The following TSC22D1 variants were observed in gnomAD, a reference collection of about 807,000 sequenced individuals.
The protein encoded by TSC22D1 is TSC22 domain family protein 1.
A neutral mutation model predicts 74.2 loss-of-function variants in TSC22D1; 9 were observed. The ratio of observed to expected loss-of-function variants is 0.12; its 90% CI spans 0.07 to 0.21. TSC22D1 has a LOEUF of 0.21. Ranked by LOEUF, TSC22D1 falls within the 10% of genes least tolerant of loss-of-function variation. The pLI, the probability that TSC22D1 is intolerant of heterozygous loss-of-function variation, is 1.00. For synonymous variants in TSC22D1, 586 were observed against 492.5 expected, an observed-to-expected ratio of 1.19 and a Z score of -2.51; for missense variants, 1,427 against 1,304.7, an observed-to-expected ratio of 1.09 and a Z score of -1.44.
chr13:44,436,551 C>T (rs1470485294), intron 1 of TSC22D1: 1 of 1,614,122 alleles, frequency 6.2e-7, no homozygotes, highest in South Asian at 1.1e-5. Context: ...GCAAGGATGA[C>T]AAGAAAGAAA....
Position 44,438,592 on chromosome 13 carries a change from G to A in TSC22D1, c.2913-2497C>T, listed in dbSNP as rs575501664. 2.6e-5 allele frequency among the ~76,000 whole-genome samples: 4 copies of A among 152,118 alleles called. No individual in the cohort carries two copies. The East Asian group carries it at 7.7e-4, about 29-fold the overall frequency. ...TGATGAGATTCCCTTTTTACTGAAA[G>A]GTTCATATTCTCCAAATTTTAAGGC... On this transcript the variant is annotated intron_variant, in intron 1 of 2. Transcript: ENST00000458659.
chr13:44,575,747 C>T lies in TSC22D1; in HGVS notation c.328G>A (p.Gly110Ser), dbSNP rs1441717372. The change falls in exon 1 of 3, where the codon GGC (glycine) becomes AGC (serine). Residue 110 changes from glycine (G) to serine (S), a missense_variant. Physicochemically the swap from Gly to Ser is moderately conservative, Grantham distance 56. Coordinates refer to ENST00000458659, the MANE Select transcript of TSC22D1 (RefSeq NM_183422.4). Reference protein sequence around the residue: ...PGGTQMKKKSGFQITSVTPAQ... With the variant: ...PGGTQMKKKSSFQITSVTPAQ... ...GGAGTAACGCTAGTTATCTGGAAGC[C>T]ACTTTTCTTTTTCATTTGAGTTCCG... 1.2e-6 allele frequency: 2 copies of T among 1,614,066 alleles called. No homozygotes were observed. The highest frequency in any genetic ancestry group is 1.7e-6 in the Non-Finnish European group (2 of 1,180,038).
intron 1 of TSC22D1, among the ~76,000 whole-genome samples, chr13:44,551,680 C>T (rs1882285808): frequency 6.6e-6 from 1 of 152,148 alleles, no homozygotes; most frequent in South Asian, 2.1e-4. Context: ...CTTGGCCTCC[C>T]AAAGTGGTGG....
At chr13:44,476,970 G>GT (rs1877946871) in intron 1 of TSC22D1, among the ~76,000 whole-genome samples, 1 of 151,502 alleles carries the variant, frequency 6.6e-6, no homozygotes, top group Non-Finnish European at 1.5e-5. Flanking sequence ...CACCTGGCCT[G>GT]TTTTTTGTTT....
chr13:44,496,356 G>T (rs1389459656), intron 1 of TSC22D1, among the ~76,000 whole-genome samples: 2 of 152,026 alleles, frequency 1.3e-5, no homozygotes, highest in African/African-American at 4.8e-5. Context: ...GACAACATAG[G>T]GAGACCCTGT....
intron 1 of TSC22D1, chr13:44,436,628 T>C (rs1595074779): frequency 1.9e-6 from 3 of 1,605,782 alleles, no homozygotes; most frequent in Middle Eastern, 1.7e-4. Flanking sequence ...TGGGATTTCA[T>C]GCAATTGCAG....
intron 1 of TSC22D1, among the ~76,000 whole-genome samples, chr13:44,467,457 AAAC>A (rs1320140790): frequency 6.6e-5 from 10 of 152,350 alleles, no homozygotes; most frequent in African/African-American, 2.2e-4. Context: ...GTAAACAGAC[AAAC>A]TACAGAATGG....
At chr13:44,503,124 T>C (rs1879289281) in intron 1 of TSC22D1, among the ~76,000 whole-genome samples, 1 of 152,164 alleles carries the variant, frequency 6.6e-6, no homozygotes. Flanking sequence ...TCATCAGTTG[T>C]TAGAGACATG....
At position 44,575,542 on chromosome 13, in the gene TSC22D1, T is replaced by C. The variant is rs1884160460; in HGVS notation, c.533A>G (p.Asn178Ser). ...PERSSSEETL[N>S]NFQEAETPGA... ...AGGTGTCTCGGCTTCCTGGAAGTTA[T>C]TTAGGGTCTCTTCTGAGGAGCTGCG... Residue 178 changes from asparagine to serine, a missense_variant, in exon 1 of 3, where the codon AAT becomes AGT. This residue lies in a region of TSC22D1 where 1,343 missense variants were observed against 1,191.5 expected (regional missense o/e 1.13). Coordinates refer to ENST00000458659, the MANE Select transcript of TSC22D1 (RefSeq NM_183422.4). 1 of 1,614,052 alleles carries C rather than the reference T, an allele frequency of 6.2e-7. No individual in the cohort carries two copies. The highest frequency in any genetic ancestry group is 8.5e-7 in the Non-Finnish European group (1 of 1,180,006).
At chr13:44,526,562 A>G (rs1880557681) in intron 1 of TSC22D1, among the ~76,000 whole-genome samples, 1 of 152,182 alleles carries the variant, frequency 6.6e-6, no homozygotes, top group African/African-American at 2.4e-5. Flanking sequence ...TCCAAGACAG[A>G]AAAGAAAGAG....
At chr13:44,439,951 T>C (rs1875052893) in intron 1 of TSC22D1, among the ~76,000 whole-genome samples, 1 of 152,182 alleles carries the variant, frequency 6.6e-6, no homozygotes, top group Non-Finnish European at 1.5e-5. Context: ...CCAAACTCCT[T>C]GCAAATCTAA....
At chr13:44,450,446 G>A (rs1317988932) in intron 1 of TSC22D1, among the ~76,000 whole-genome samples, 1 of 152,214 alleles carries the variant, frequency 6.6e-6, no homozygotes, top group Non-Finnish European at 1.5e-5. Flanking sequence ...TTTGTGTTTT[G>A]GCAAGGTCAC....
intron 1 of TSC22D1, among the ~76,000 whole-genome samples, chr13:44,517,811 A>ATGTGTG (rs1160142015): frequency 1.8e-5 from 1 of 55,126 alleles, no homozygotes; most frequent in Non-Finnish European, 3.3e-5. Flanking sequence ...ACACATATAT[A>ATGTGTG]TGTGTGTGTG....
Position 44,575,527 on chromosome 13 carries a change from G to A in TSC22D1, c.548C>T (p.Ala183Val), listed in dbSNP as rs779796549. 1.1e-5 allele frequency: 17 copies of A among 1,613,964 alleles called. No homozygotes were observed. In the South Asian group the frequency reaches 1.4e-4, roughly 14 times the overall value. Residue 183 changes from alanine (A) to valine (V), a missense_variant, in exon 1 of 3, where the codon GCC becomes GTC. This residue lies in a region of TSC22D1 where 1,343 missense variants were observed against 1,191.5 expected (regional missense o/e 1.13). Transcript: ENST00000458659. ...GGGAGAGACTGCCCCAGGTGTCTCGGCTTCCTGGAAGTTATTTAGGGTCTC... is the reference window on the plus strand; with the variant it reads ...GGGAGAGACTGCCCCAGGTGTCTCGACTTCCTGGAAGTTATTTAGGGTCTC... ...SEETLNNFQE[A>V]ETPGAVSPNQ...
intron 1 of TSC22D1, among the ~76,000 whole-genome samples, chr13:44,480,373 T>C (rs1190894609): frequency 2.0e-5 from 3 of 151,738 alleles, no homozygotes; most frequent in Non-Finnish European, 4.4e-5. Context: ...TTTTTACATA[T>C]AAAAGTATTA....
At chr13:44,438,401 T>TA (rs1874915041) in intron 1 of TSC22D1, among the ~76,000 whole-genome samples, 1 of 152,230 alleles carries the variant, frequency 6.6e-6, no homozygotes, top group African/African-American at 2.4e-5. Context: ...CAGATCCATT[T>TA]AGACAGTTTT....
At position 44,564,696 on chromosome 13, in the gene TSC22D1, G is replaced by A. The variant is rs183444720; in HGVS notation, c.2912+8467C>T. Among the ~76,000 whole-genome samples, 347 of 152,292 alleles carry A rather than the reference G, an allele frequency of 2.3e-3. 1 individual carries two copies. Among genetic ancestry groups the A allele is most frequent in the Middle Eastern group, 6.8e-3 (2 of 294 alleles). ...AAGGCTTAAAAGGGGTTCTGGCCAA[G>A]TAAGTTACCTGAACAGATTTCCATT... On this transcript the variant is annotated intron_variant, in intron 1 of 2. Coordinates refer to ENST00000458659, the MANE Select transcript of TSC22D1 (RefSeq NM_183422.4).
At chr13:44,467,959 A>G (rs1164673273) in intron 1 of TSC22D1, among the ~76,000 whole-genome samples, 1 of 152,120 alleles carries the variant, frequency 6.6e-6, no homozygotes, top group East Asian at 1.9e-4. Flanking sequence ...TCACAGCATA[A>G]TTCACAATTG....
intron 1 of TSC22D1, among the ~76,000 whole-genome samples, chr13:44,521,721 T>A (rs1388211137): frequency 6.6e-6 from 1 of 150,464 alleles, no homozygotes; most frequent in African/African-American, 2.4e-5. Flanking sequence ...TAAGACTTCA[T>A]AAATTGACAG....
Sources: allele counts gnomAD v4.1 joint callset (sites outside exome capture counted in the v4.1 genomes callset), GRCh38; gene constraint gnomAD v4.1.1; regional missense constraint gnomAD v4.1.1; transcripts MANE v1.5; gene names NCBI Gene and HGNC (gene_info 2026-07-23, HGNC 2026-07-21).